MFSD12: variants seen among roughly 807,000 people sequenced by gnomAD.
MFSD12 encodes the protein major facilitator superfamily domain containing 12.
Under a neutral mutation model 51.2 loss-of-function variants are expected in MFSD12, and 67 were observed. The ratio of observed to expected loss-of-function variants is 1.31; its 90% CI spans 1.08 to 1.60. The LOEUF is 1.60. Among genes scored for constraint, MFSD12 ranks in the 40% most tolerant of loss-of-function variants. MFSD12 has a pLI of 0.00. For missense variants in MFSD12, 921 were observed against 673.0 expected, an observed-to-expected ratio of 1.37 and a Z score of -4.08; for synonymous variants, 441 against 316.7, an observed-to-expected ratio of 1.39 and a Z score of -4.17.
downstream of MFSD12, chr19:3,543,698 G>T: frequency 6.6e-7 from 1 of 1,518,156 alleles, no homozygotes; most frequent in Non-Finnish European, 8.9e-7. Flanking sequence ...TAGGTGCAGG[G>T]TGGGTCCTTG....
chr19:3,542,860 AG>A (rs770103365), downstream of MFSD12: 2 of 1,384,674 alleles, frequency 1.4e-6, no homozygotes, highest in Admixed American at 1.9e-5. Flanking sequence ...CCTCCAGGCC[AG>A]GGGGGCTTCC....
chr19:3,544,858 A>C lies in MFSD12; in HGVS notation c.1371T>G (p.Ala457=), dbSNP rs1264018045. The C allele has an allele frequency of 6.2e-7, 1 of 1,611,984 alleles. No homozygotes were observed. The highest frequency in any genetic ancestry group is 1.1e-5 in the South Asian group (1 of 91,054). ...VAVTGGVGVA[A]ALCLCSLLLW... ...GCAGGAGGCTACAGAGACACAGGGC[A>C]GCGGCCACGCCCACGCCGCCCGTCA... The change falls in exon 9 of 10, where the codon GCT becomes GCG. Residue 457 remains alanine (A), a synonymous_variant. Coordinates refer to ENST00000355415, the MANE Select transcript of MFSD12 (RefSeq NM_174983.5).
In MFSD12 at chr19:3,545,972, C is replaced by T. The variant is rs1459496456; in HGVS notation, c.1289+102G>A. 4.8e-6 allele frequency: 6 copies of T among 1,259,250 alleles called. No individual in the cohort carries two copies. The East Asian group carries it at 1.4e-4, about 30-fold the overall frequency. 78.0% of individuals were successfully genotyped at this position (1,259,250 alleles called of 1,614,324 possible). A position where few individuals can be genotyped will look rare whatever the true frequency, so the allele number is the denominator to read the frequency against. The stretch of plus-strand genomic sequence containing the variant: ...TCCCATTGGGGCAGGTGTCTTTGGT[C>T]CACAGCTGGATGCCCAGACCCAGAA... On this transcript the variant is annotated intron_variant, in intron 8 of 9. Transcript: ENST00000355415.
At chr19:3,547,045 A>G (rs2031119541) in intron 6 of MFSD12, among the ~76,000 whole-genome samples, 1 of 152,118 alleles carries the variant, frequency 6.6e-6, no homozygotes, top group Non-Finnish European at 1.5e-5. Context: ...TCACCGTGTT[A>G]GCCAGGATGG....
intron 1 of MFSD12, among the ~76,000 whole-genome samples, chr19:3,553,595 T>C (rs2145218534): frequency 6.6e-6 from 1 of 150,728 alleles, no homozygotes; most frequent in South Asian, 2.1e-4. Flanking sequence ...GATGAAACCC[T>C]GTCTCTACTA....
chr19:3,548,523 C>T (rs947061680), intron 2 of MFSD12, among the ~76,000 whole-genome samples: 8 of 152,188 alleles, frequency 5.3e-5, no homozygotes, highest in Admixed American at 2.6e-4. Flanking sequence ...CTCGGCCAAG[C>T]GGAGTCCAGG....
intron 8 of MFSD12, among the ~76,000 whole-genome samples, chr19:3,545,611 A>T (rs1036900432): frequency 6.6e-6 from 1 of 152,198 alleles, no homozygotes; most frequent in South Asian, 2.1e-4. Context: ...CTGAGCGTTC[A>T]CCTTTACACA....
chr19:3,544,112 C>A, downstream of MFSD12: 1 of 1,421,822 alleles, frequency 7.0e-7, no homozygotes. Context: ...AGACACTGGG[C>A]TCGCTGGCCG....
rs887871474 is a variant in MFSD12, at chr19:3,544,886, G to A, written c.1343C>T (p.Ala448Val). ...GGCCACGCCCACGCCGCCCGTCACA[G>A]CCACCATCGCCCAGTGGTAAAAGCT... ...CVSFYHWAMV[A>V]VTGGVGVAAA... The change falls in exon 9 of 10, where the codon GCT (alanine) becomes GTT (valine). Residue 448 changes from alanine to valine, a missense_variant. By Grantham distance (64) the Ala-to-Val change is moderately conservative (BLOSUM62 0). Coordinates refer to ENST00000355415, the MANE Select transcript of MFSD12 (RefSeq NM_174983.5). 2.5e-6 allele frequency: 4 copies of A among 1,611,716 alleles called. No individual in the cohort carries two copies. The highest frequency in any genetic ancestry group is 2.2e-5 in the East Asian group (1 of 44,868).
In MFSD12 at chr19:3,557,236, G is replaced by A. The variant is rs760726668; in HGVS notation, c.168C>T (p.Arg56=). Residue 56 remains arginine (R), a synonymous_variant, in exon 1 of 10, where the codon CGC becomes CGT. Coordinates refer to ENST00000355415, the MANE Select transcript of MFSD12 (RefSeq NM_174983.5). ...CCAGCAGCAGCAGCAGCCCCGCGCC[G>A]CGGGAGCTGTAGGCGCGCACCGAGT... ...YLHSVRAYSS[R]GAGLLLLLGQ... 6.3e-7 allele frequency: 1 copy of A among 1,592,578 alleles called. No homozygotes were observed. The highest frequency in any genetic ancestry group is 2.3e-5 in the East Asian group (1 of 43,302).
chr19:3,543,419 G>A (rs1305622782), downstream of MFSD12: 1 of 1,546,718 alleles, frequency 6.5e-7, no homozygotes. Context: ...CTTCCGCGAG[G>A]CCTACAACCG....
Position 3,551,191 on chromosome 19 carries a change from G to A in MFSD12, c.302C>T (p.Thr101Ile), listed in dbSNP as rs1175961003. 7 of 1,602,674 alleles carry A rather than the reference G, an allele frequency of 4.4e-6. No homozygotes were observed. The highest frequency in any genetic ancestry group is 6.0e-6 in the Non-Finnish European group (7 of 1,174,682). ...GGGGAAGGACAGCAGGACGCAGACG[G>A]TGCCTGTGGAAGGCAGAGTGGTCAG... ...GPRKAWHLVG[T>I]VCVLLSFPFI... The change falls in exon 2 of 10, where the codon ACC becomes ATC. Residue 101 changes from threonine to isoleucine, a missense_variant. By Grantham distance (89) the Thr-to-Ile change is moderately conservative (BLOSUM62 -1). Coordinates refer to ENST00000355415, the MANE Select transcript of MFSD12 (RefSeq NM_174983.5). The surrounding 1 kb of genome is among the most constrained non-coding windows in gnomAD (Gnocchi z 4.6).
intron 2 of MFSD12, 25 bp downstream of exon 2, chr19:3,550,959 T>C: frequency 6.3e-7 from 1 of 1,597,692 alleles, no homozygotes; most frequent in Admixed American, 1.7e-5. Context: ...ACCCTGCCCG[T>C]GGGGGAGGGT....
At chr19:3,540,213 C>T (rs2030257639), downstream of MFSD12, among the ~76,000 whole-genome samples, 1 of 150,930 alleles carries the variant, frequency 6.6e-6, no homozygotes, top group African/African-American at 2.4e-5. Context: ...CCATCTCAAG[C>T]CTTCTGAGTA....
At chr19:3,539,394 T>C, downstream of MFSD12, 1 of 621,312 alleles carries the variant, frequency 1.6e-6, no homozygotes, top group Admixed American at 2.5e-5. Flanking sequence ...GTGTGTGACG[T>C]CCCCTCCAGC....
In MFSD12 at chr19:3,547,917, CAG is replaced by C. The variant is rs1491401221; in HGVS notation, c.766_767del (p.Leu256ValfsTer157). 1,700 of 1,580,450 alleles carry C rather than the reference CAG, an allele frequency of 1.1e-3. No homozygotes were observed. Among genetic ancestry groups the C allele is most frequent in the Non-Finnish European group, 1.4e-3 (1,605 of 1,170,982 alleles). The stretch of plus-strand genomic sequence containing the variant: ...GGGGCTGGGCCGTGGCAGGGGCCAA[CAG>C]GGGGGTGTGCTCGCCTGGCTCCTCC... ...HAEEPGEHTPLLAPATAQPLL... is the reference protein window; with the variant it reads ...HAEEPGEHTPXLAPATAQPLL... On this transcript the variant is annotated frameshift_variant, in exon 4 of 10. Coordinates refer to ENST00000355415, the MANE Select transcript of MFSD12 (RefSeq NM_174983.5). LOFTEE classifies it high-confidence loss of function.
intron 4 of MFSD12, 113 bp from the exon 5 acceptor site, chr19:3,547,660 T>C (rs1484511442): frequency 8.5e-7 from 1 of 1,175,056 alleles, no homozygotes; most frequent in Non-Finnish European, 1.2e-6. Context: ...TTTGATCCAT[T>C]GGTAGTGACT....
downstream of MFSD12, chr19:3,543,492 G>A (rs777953414): frequency 1.4e-4 from 107 of 741,806 alleles, 1 homozygote; most frequent in Admixed American, 1.3e-3. Flanking sequence ...CCCCCCCCCC[G>A]CCCTGGGCAG....
rs553221990 is a variant in MFSD12, at chr19:3,557,323, C to A, written c.81G>T (p.Val27=). ...CGCACAGGTCGTTGAGGAAGTGGCC[C>A]ACGGCGTAGCTCAGCCGCGCCACCA... is the stretch of plus-strand genomic sequence containing the variant. ...LSLVARLSYA[V]GHFLNDLCAS... is the part of the protein sequence containing the mutation. The change falls in exon 1 of 10, where the codon GTG becomes GTT. Residue 27 remains valine (V), a synonymous_variant. Coordinates refer to ENST00000355415, the MANE Select transcript of MFSD12 (RefSeq NM_174983.5). The A allele has an allele frequency of 1.3e-5, 20 of 1,580,548 alleles. No individual in the cohort carries two copies. The East Asian group carries it at 4.3e-4, about 34-fold the overall frequency.
Sources: allele counts gnomAD v4.1 joint callset (sites outside exome capture counted in the v4.1 genomes callset), GRCh38; gene constraint gnomAD v4.1.1; non-coding constraint Gnocchi (gnomAD v3.1); transcripts MANE v1.5; gene names NCBI Gene and HGNC (gene_info 2026-07-23, HGNC 2026-07-21).